The following PPARG variants were observed in gnomAD, a reference collection of about 807,000 sequenced individuals.
The protein encoded by PPARG is peroxisome proliferator-activated receptor gamma.
PPARG carries 17 observed loss-of-function variants against 39.2 expected under a neutral mutation model. The observed-to-expected ratio is 0.43, with a 90% confidence interval of 0.30 to 0.65. The LOEUF (loss-of-function observed/expected upper bound fraction) is 0.65, where lower values mean the gene tolerates loss of function less well. Ranked by LOEUF, PPARG falls within the 30% of genes least tolerant of loss-of-function variation. The pLI is 0.13. For synonymous variants in PPARG, 223 were observed against 215.7 expected (o/e 1.03, Z -0.30); for missense variants, 406 against 585.9 (o/e 0.69, Z 3.17).
chr3:12,293,990 C>G lies in PPARG; in HGVS notation c.-83+4856C>G, dbSNP rs112094265. On this transcript the variant is annotated intron_variant, in intron 1 of 7. Coordinates refer to ENST00000651735, the MANE Select transcript of PPARG (RefSeq NM_138711.6). ...AAGCTTTGGGTCTACTTTTAAAATGCCAAAGTTCCTGGCAGGGTTAGTTCA... is the reference window on the plus strand; with the variant it reads ...AAGCTTTGGGTCTACTTTTAAAATGGCAAAGTTCCTGGCAGGGTTAGTTCA... 2.6e-3 allele frequency among the ~76,000 whole-genome samples: 403 copies of G among 152,208 alleles called. 4 individuals carry two copies. Among genetic ancestry groups the G allele is most frequent in the Non-Finnish European group, 3.6e-3 (248 of 67,998 alleles).
At chr3:12,330,673 C>T (rs1280909621) in intron 2 of PPARG, among the ~76,000 whole-genome samples, 1 of 152,194 alleles carries the variant, frequency 6.6e-6, no homozygotes, top group Admixed American at 6.5e-5. Flanking sequence ...ATCTGTCTCT[C>T]TTCAACTGAA....
At chr3:12,417,203 G>A in intron 7 of PPARG, 49 bp downstream of exon 7, 2 of 1,583,770 alleles carry the variant, frequency 1.3e-6, no homozygotes, top group Non-Finnish European at 1.7e-6. Flanking sequence ...GATGATGGTG[G>A]GGTGGCCAAA....
intron 1 of PPARG, among the ~76,000 whole-genome samples, chr3:12,292,406 G>A (rs2046670652): frequency 6.6e-6 from 1 of 152,102 alleles, no homozygotes; most frequent in Non-Finnish European, 1.5e-5. Flanking sequence ...GTTTTATAAT[G>A]AGGCCTAGGA....
intron 7 of PPARG, among the ~76,000 whole-genome samples, chr3:12,428,680 C>G (rs1466772819): frequency 6.6e-6 from 1 of 152,184 alleles, no homozygotes; most frequent in Middle Eastern, 3.2e-3. Context: ...GGGAAAGAGA[C>G]TAGTGGGGAG....
intron 2 of PPARG, among the ~76,000 whole-genome samples, chr3:12,371,637 G>A (rs1368356832): frequency 6.6e-6 from 1 of 152,170 alleles, no homozygotes; most frequent in Admixed American, 6.5e-5. Context: ...TGTGAAAAGT[G>A]GCAAAGGTTA....
At chr3:12,392,388 T>C (rs1559521451) in intron 4 of PPARG, among the ~76,000 whole-genome samples, 4 of 152,168 alleles carry the variant, frequency 2.6e-5, no homozygotes. Flanking sequence ...ATGTGGTCAG[T>C]GTCTAAGAGC....
chr3:12,417,752 C>T (rs187040361), intron 7 of PPARG, among the ~76,000 whole-genome samples: 21 of 152,122 alleles, frequency 1.4e-4, no homozygotes, highest in African/African-American at 4.3e-4. Flanking sequence ...CAATGTGAAC[C>T]GAACACACAA....
chr3:12,379,591 G>A (rs1212305394), intron 2 of PPARG, 113 bp from the exon 3 acceptor site: 13 of 927,420 alleles, frequency 1.4e-5, no homozygotes, highest in African/African-American at 3.3e-5. Flanking sequence ...TGTTGTGAGC[G>A]CCCAGATGAG....
At chr3:12,394,225 C>G (rs1475562110) in intron 5 of PPARG, among the ~76,000 whole-genome samples, 3 of 152,136 alleles carry the variant, frequency 2.0e-5, no homozygotes, top group African/African-American at 4.8e-5. Context: ...GGAAAGCATG[C>G]CAGTTCCGCT....
At chr3:12,422,432 T>C (rs1176788351) in intron 7 of PPARG, among the ~76,000 whole-genome samples, 1 of 152,188 alleles carries the variant, frequency 6.6e-6, no homozygotes, top group Non-Finnish European at 1.5e-5. Context: ...CAGACCCAGG[T>C]CTCTCAGACT....
intron 2 of PPARG, among the ~76,000 whole-genome samples, chr3:12,365,493 G>T (rs947503666): frequency 6.6e-6 from 1 of 151,916 alleles, no homozygotes; most frequent in Non-Finnish European, 1.5e-5. Context: ...TGTCTTCAGG[G>T]AGTTTTATAG....
At chr3:12,425,988 G>C (rs2051431657) in intron 7 of PPARG, among the ~76,000 whole-genome samples, 1 of 152,142 alleles carries the variant, frequency 6.6e-6, no homozygotes, top group Admixed American at 6.5e-5. Context: ...CACAGGAAAG[G>C]GTTGCCCACC....
At chr3:12,415,801 T>C (rs1242301637) in intron 6 of PPARG, among the ~76,000 whole-genome samples, 1 of 152,348 alleles carries the variant, frequency 6.6e-6, no homozygotes, top group Non-Finnish European at 1.5e-5. Context: ...TGTAATCTGC[T>C]TTCCGAGTGA....
Position 12,405,873 on chromosome 3 carries a change from C to A in PPARG, c.530-9C>A. 1 of 1,612,154 alleles carries A rather than the reference C, an allele frequency of 6.2e-7. No individual in the cohort carries two copies. On this transcript the variant is annotated splice_polypyrimidine_tract_variant and intron_variant, in intron 5 of 7. Transcript: ENST00000651735. Reference sequence around the variant, plus strand: ...AATGATTCATCCTGTCATTCCTCTTCCTCTATAGCCATCAGGTTTGGGCGG... The same window carrying A: ...AATGATTCATCCTGTCATTCCTCTTACTCTATAGCCATCAGGTTTGGGCGG...
chr3:12,302,346 G>A (rs2046948904), intron 1 of PPARG, among the ~76,000 whole-genome samples: 1 of 152,178 alleles, frequency 6.6e-6, no homozygotes, highest in South Asian at 2.1e-4. Context: ...GTTGCCAGGG[G>A]CTGAAGAGAA....
chr3:12,320,097 A>C (rs1006766114), intron 2 of PPARG, among the ~76,000 whole-genome samples: 3 of 152,236 alleles, frequency 2.0e-5, no homozygotes, highest in African/African-American at 7.2e-5. Flanking sequence ...CTGCTCCCTT[A>C]TGCTGCATAC....
intron 5 of PPARG, among the ~76,000 whole-genome samples, chr3:12,393,106 G>A (rs534997818): frequency 2.0e-5 from 3 of 151,008 alleles, no homozygotes; most frequent in South Asian, 4.2e-4. Flanking sequence ...TATCAGTAGT[G>A]TCGTTCTGCT....
chr3:12,433,551 A>G (rs1484703952), intron 7 of PPARG, among the ~76,000 whole-genome samples: 1 of 150,800 alleles, frequency 6.6e-6, no homozygotes, highest in Non-Finnish European at 1.5e-5. Flanking sequence ...AAAAAAAAAA[A>G]AGAAAAGAAA....
chr3:12,403,310 T>G (rs2050544591), intron 5 of PPARG, among the ~76,000 whole-genome samples: 1 of 151,192 alleles, frequency 6.6e-6, no homozygotes, highest in African/African-American at 2.4e-5. Context: ...AAAAAAAAGT[T>G]GTTATACTGT....
Sources: allele counts gnomAD v4.1 joint callset (sites outside exome capture counted in the v4.1 genomes callset), GRCh38; gene constraint gnomAD v4.1.1; transcripts MANE v1.5; gene names NCBI Gene and HGNC (gene_info 2026-07-23, HGNC 2026-07-21).